The following DOCK1 variants were observed in gnomAD, a reference collection of about 807,000 sequenced individuals.
DOCK1 encodes dedicator of cytokinesis 1, also known as dedicator of cytokinesis protein 1.
DOCK1 carries 138 observed loss-of-function variants against 262.7 expected under a neutral mutation model. The ratio of observed to expected loss-of-function variants is 0.53; its 90% CI spans 0.46 to 0.61. The LOEUF (loss-of-function observed/expected upper bound fraction) is 0.61, where lower values mean the gene tolerates loss of function less well. Ranked by LOEUF, DOCK1 falls within the 20% of genes least tolerant of loss-of-function variation. The probability of loss-of-function intolerance (pLI) is 0.00; values close to 1 mark genes in which losing one functional copy is unlikely to be tolerated. For missense variants in DOCK1, 1,908 were observed against 2,370.7 expected, an observed-to-expected ratio of 0.80 and a Z score of 4.05; for synonymous variants, 866 against 867.4, an observed-to-expected ratio of 1.00 and a Z score of 0.03.
intron 6 of DOCK1, among the ~76,000 whole-genome samples, chr10:126,993,206 C>T (rs964092693): frequency 2.0e-5 from 3 of 152,352 alleles, no homozygotes; most frequent in Non-Finnish European, 4.4e-5. Flanking sequence ...GGCACAGGGC[C>T]GTCCTCTCGT....
intron 29 of DOCK1, among the ~76,000 whole-genome samples, chr10:127,317,137 G>A (rs528914527): frequency 2.6e-5 from 4 of 152,278 alleles, no homozygotes; most frequent in Non-Finnish European, 4.4e-5. Context: ...AGACATTTCA[G>A]TAATAACTCT....
chr10:127,320,343 G>T (rs1163942625), intron 29 of DOCK1, among the ~76,000 whole-genome samples: 1 of 152,194 alleles, frequency 6.6e-6, no homozygotes, highest in Non-Finnish European at 1.5e-5. Flanking sequence ...GTAGGCAGGG[G>T]CCGCCAACAC....
At chr10:127,324,310 A>C (rs1226117571) in intron 29 of DOCK1, among the ~76,000 whole-genome samples, 1 of 152,218 alleles carries the variant, frequency 6.6e-6, no homozygotes, top group Non-Finnish European at 1.5e-5. Context: ...CCTGCCTGTC[A>C]TCTCAGGCTT....
chr10:126,990,044 A>G (rs1368226929), intron 5 of DOCK1, among the ~76,000 whole-genome samples: 1 of 152,082 alleles, frequency 6.6e-6, no homozygotes, highest in Non-Finnish European at 1.5e-5. Flanking sequence ...TGTTCTGAAG[A>G]CCGTATGTAG....
chr10:127,089,050 C>T lies in DOCK1; in HGVS notation c.2446-17181C>T, dbSNP rs114983624. On this transcript the variant is annotated intron_variant, in intron 23 of 51. Transcript: ENST00000623213. ...TTCACCCGCAGCCATGCCGCAGCCACCAGCACCTAACCTCCAGACTCCTGA... is the reference window on the plus strand; with the variant it reads ...TTCACCCGCAGCCATGCCGCAGCCATCAGCACCTAACCTCCAGACTCCTGA... Among the ~76,000 whole-genome samples the T allele has an allele frequency of 8.9e-3, 1,356 of 152,296 alleles. 23 individuals are homozygous for T. The highest frequency in any genetic ancestry group is 0.031 in the African/African-American group (1,296 of 41,552).
intron 27 of DOCK1, among the ~76,000 whole-genome samples, chr10:127,183,533 A>G (rs1266866477): frequency 6.6e-6 from 1 of 152,196 alleles, no homozygotes. Flanking sequence ...CTGATAGCCA[A>G]ATGTAGAGAA....
At chr10:127,068,438 C>T (rs2046002427) in intron 23 of DOCK1, among the ~76,000 whole-genome samples, 1 of 152,134 alleles carries the variant, frequency 6.6e-6, no homozygotes, top group African/African-American at 2.4e-5. Context: ...TGTCTGGCAC[C>T]TCTCCTACAG....
chr10:127,270,738 G>T (rs1365516380), intron 29 of DOCK1, among the ~76,000 whole-genome samples: 1 of 152,104 alleles, frequency 6.6e-6, no homozygotes, highest in African/African-American at 2.4e-5. Context: ...GTCCAGAGTT[G>T]TTCATTCTAC....
chr10:126,908,067 G>A (rs939717719), intron 1 of DOCK1, among the ~76,000 whole-genome samples: 1 of 144,412 alleles, frequency 6.9e-6, no homozygotes, highest in Non-Finnish European at 1.5e-5. Context: ...TGGGTAGACA[G>A]TAATGAGACA....
At chr10:127,224,972 T>A (rs1217699525) in intron 27 of DOCK1, among the ~76,000 whole-genome samples, 1 of 152,086 alleles carries the variant, frequency 6.6e-6, no homozygotes, top group Non-Finnish European at 1.5e-5. Flanking sequence ...CTTAATTGTT[T>A]AAGGAAACCA....
chr10:126,930,245 C>A (rs1230164853), intron 1 of DOCK1, among the ~76,000 whole-genome samples: 1 of 152,218 alleles, frequency 6.6e-6, no homozygotes, highest in Admixed American at 6.5e-5. Flanking sequence ...GCTCTTGTGA[C>A]TGGTGCTGCT....
At chr10:126,939,697 A>T (rs1406003793) in intron 1 of DOCK1, among the ~76,000 whole-genome samples, 2 of 152,220 alleles carry the variant, frequency 1.3e-5, no homozygotes, top group Non-Finnish European at 2.9e-5. Context: ...TCTTCAGTCC[A>T]GATGAGTCCG....
At chr10:127,044,596 G>A (rs761122777) in intron 21 of DOCK1, among the ~76,000 whole-genome samples, 4 of 152,156 alleles carry the variant, frequency 2.6e-5, no homozygotes, top group Non-Finnish European at 2.9e-5. Flanking sequence ...TGCAGCAAAC[G>A]TAGCACGGCC....
At chr10:127,410,300 A>G (rs921737689) in intron 42 of DOCK1, among the ~76,000 whole-genome samples, 5 of 152,144 alleles carry the variant, frequency 3.3e-5, no homozygotes, top group South Asian at 2.1e-4. Context: ...CAGATGCAGT[A>G]GTTTCTTTTG....
intron 23 of DOCK1, among the ~76,000 whole-genome samples, chr10:127,085,040 G>C (rs1332335706): frequency 6.6e-6 from 1 of 152,144 alleles, no homozygotes; most frequent in African/African-American, 2.4e-5. Context: ...CCCAAAGCTT[G>C]ATTCTCACCT....
chr10:127,427,283 CT>C (rs1201351850), intron 47 of DOCK1, among the ~76,000 whole-genome samples: 1 of 152,212 alleles, frequency 6.6e-6, no homozygotes, highest in Admixed American at 6.5e-5. Flanking sequence ...GCACTTTCCT[CT>C]GCTCCTTGAA....
At chr10:127,289,041 G>A (rs185690383) in intron 29 of DOCK1, among the ~76,000 whole-genome samples, 138 of 152,114 alleles carry the variant, frequency 9.1e-4, no homozygotes, top group Middle Eastern at 6.9e-3. Context: ...CTAAGCAAGT[G>A]TTTTCATAGT....
chr10:127,249,180 A>T (rs2059533094), intron 28 of DOCK1, among the ~76,000 whole-genome samples: 1 of 152,034 alleles, frequency 6.6e-6, no homozygotes, highest in South Asian at 2.1e-4. Flanking sequence ...CTTATTAAGA[A>T]ATGGGAAGAA....
chr10:127,042,690 T>G lies in DOCK1; in HGVS notation c.2076T>G (p.Phe692Leu). 1 of 1,614,166 alleles carries G rather than the reference T, an allele frequency of 6.2e-7. No homozygotes were observed. The highest frequency in any genetic ancestry group is 8.5e-7 in the Non-Finnish European group (1 of 1,180,014). ...TGGAGAACTCAGAGAGTGAGACTTT[T>G]GACACGTTAGTCTTTGATGCTCTGG... is the stretch of plus-strand genomic sequence containing the variant. ...IMMENSESET[F>L]DTLVFDALVF... Residue 692 changes from phenylalanine (F) to leucine (L), a missense_variant, in exon 20 of 52, where the codon TTT becomes TTG. Physicochemically the swap from Phe to Leu is conservative, Grantham distance 22. This residue lies in a region of DOCK1 where 294 missense variants were observed against 439.9 expected (regional missense o/e 0.67). Transcript: ENST00000623213.
Sources: allele counts gnomAD v4.1 joint callset (sites outside exome capture counted in the v4.1 genomes callset), GRCh38; gene constraint gnomAD v4.1.1; regional missense constraint gnomAD v4.1.1; transcripts MANE v1.5; gene names NCBI Gene and HGNC (gene_info 2026-07-23, HGNC 2026-07-21).